WNK1: variants seen among roughly 807,000 people sequenced by gnomAD.
WNK1 encodes the protein serine/threonine-protein kinase WNK1.
WNK1 carries 38 observed loss-of-function variants against 222.8 expected under a neutral mutation model. That is an observed-to-expected ratio of 0.17 (90% CI 0.13 to 0.22). The LOEUF is 0.22. Ranked by LOEUF, WNK1 falls within the 10% of genes least tolerant of loss-of-function variation. The pLI is 1.00. For missense variants in WNK1, 2,348 were observed against 2,918.4 expected (o/e 0.80, Z 4.50); for synonymous variants, 1,090 against 1,092.9 (o/e 1.00, Z 0.05).
At chr12:838,604 C>T (rs552680039) in intron 4 of WNK1, among the ~76,000 whole-genome samples, 8 of 151,490 alleles carry the variant, frequency 5.3e-5, no homozygotes, top group East Asian at 1.9e-4. Context: ...TTTGTAGAGA[C>T]GAGGTTTTGT....
In WNK1 at chr12:864,985, ACT is replaced by A. The variant is rs1259151031; in HGVS notation, c.2139+2716_2139+2717del. 15 of 1,260,308 alleles carry A rather than the reference ACT, an allele frequency of 1.2e-5. No homozygotes were observed. In the African/African-American group the frequency reaches 1.7e-4, roughly 14 times the overall value. The allele number at this position is 1,260,308 out of a possible 1,614,324, so 78.1% of individuals were successfully genotyped here. A position where few individuals can be genotyped will look rare whatever the true frequency, so the allele number is the denominator to read the frequency against. ...ATAGCTCTCCTCAAAAAAAAAACTG[ACT>A]TTGTGGAATTGGGAGAGGATGGAAC... is the stretch of plus-strand genomic sequence containing the variant. On this transcript the variant is annotated intron_variant, in intron 8 of 27. Coordinates refer to ENST00000315939, the MANE Select transcript of WNK1 (RefSeq NM_018979.4).
At chr12:836,908 T>A (rs1034258092) in intron 4 of WNK1, among the ~76,000 whole-genome samples, 1 of 152,216 alleles carries the variant, frequency 6.6e-6, no homozygotes, top group Non-Finnish European at 1.5e-5. Flanking sequence ...ATATTTTTTT[T>A]TTGTATGTGC....
intron 1 of WNK1, among the ~76,000 whole-genome samples, chr12:791,555 C>CT (rs746932275): frequency 7.9e-5 from 7 of 88,550 alleles, no homozygotes; most frequent in Admixed American, 2.5e-4. Context: ...GAGAGAGCTT[C>CT]TTTTTTAAAA....
At chr12:781,499 A>G (rs1943704561) in intron 1 of WNK1, among the ~76,000 whole-genome samples, 1 of 152,238 alleles carries the variant, frequency 6.6e-6, no homozygotes, top group Non-Finnish European at 1.5e-5. Context: ...TTAGAAAGGT[A>G]CAAATGATTA....
intron 1 of WNK1, among the ~76,000 whole-genome samples, chr12:811,187 C>T (rs1234649197): frequency 2.6e-5 from 4 of 152,078 alleles, no homozygotes; most frequent in African/African-American, 9.7e-5. Context: ...CTTTTTGATA[C>T]GGTCTTTTAA....
At chr12:900,136 C>G (rs1955128688) in intron 25 of WNK1, among the ~76,000 whole-genome samples, 1 of 151,208 alleles carries the variant, frequency 6.6e-6, no homozygotes, top group African/African-American at 2.4e-5. Context: ...TAGGCACCCT[C>G]CACCACGCCT....
At chr12:906,790 A>C in intron 26 of WNK1, 1 of 978,566 alleles carries the variant, frequency 1.0e-6, no homozygotes, top group Non-Finnish European at 1.2e-6. Context: ...CTGTAATCCC[A>C]GCACTTTGGG....
At chr12:755,481 G>C (rs774968083) in intron 1 of WNK1, among the ~76,000 whole-genome samples, 1 of 152,172 alleles carries the variant, frequency 6.6e-6, no homozygotes, top group Non-Finnish European at 1.5e-5. Context: ...GCATGTGGAA[G>C]TAAACTTAAA....
chr12:774,884 A>G (rs1048373408), intron 1 of WNK1, among the ~76,000 whole-genome samples: 1 of 152,188 alleles, frequency 6.6e-6, no homozygotes, highest in African/African-American at 2.4e-5. Flanking sequence ...ACCAGTTTTC[A>G]TAAGTTCCTT....
At chr12:860,927 C>CT (rs11286613) in intron 6 of WNK1, 86 bp from the exon 7 acceptor site, 4,065 of 965,282 alleles carry the variant, frequency 4.2e-3, no homozygotes, top group African/African-American at 5.7e-3. Flanking sequence ...TTTACAATGC[C>CT]TTTTTTTTTT....
chr12:898,180 G>T (rs963928736), intron 25 of WNK1, among the ~76,000 whole-genome samples: 1 of 152,062 alleles, frequency 6.6e-6, no homozygotes, highest in African/African-American at 2.4e-5. Context: ...ATTTATATTG[G>T]GTTAAAGAAC....
chr12:900,512 A>G lies in WNK1; in HGVS notation c.6485A>G (p.His2162Arg). The G allele has an allele frequency of 6.2e-7, 1 of 1,613,930 alleles. No homozygotes were observed. The highest frequency in any genetic ancestry group is 8.5e-7 in the Non-Finnish European group (1 of 1,179,966). The change falls in exon 26 of 28, where the codon CAC becomes CGC. Residue 2162 changes from histidine to arginine, a missense_variant. Physicochemically the swap from His to Arg is conservative, Grantham distance 29. Transcript: ENST00000315939. Reference sequence around the variant, plus strand: ...GGTCAGAGTGCAGCTTCAGTCTTGCACCCCCAGCAGACCCTCCACCCTCCT... The same window carrying G: ...GGTCAGAGTGCAGCTTCAGTCTTGCGCCCCCAGCAGACCCTCCACCCTCCT... Reference protein sequence around the residue: ...LSGQSAASVLHPQQTLHPPGN... With the variant: ...LSGQSAASVLRPQQTLHPPGN...
chr12:872,254 T>C (rs1187255569), intron 9 of WNK1, among the ~76,000 whole-genome samples: 5 of 152,152 alleles, frequency 3.3e-5, no homozygotes, highest in Non-Finnish European at 5.9e-5. Flanking sequence ...GCCGCCCGAG[T>C]AGCTGGGACT....
intron 4 of WNK1, among the ~76,000 whole-genome samples, chr12:847,769 T>C: frequency 6.6e-6 from 1 of 151,148 alleles, no homozygotes; most frequent in East Asian, 1.9e-4. Flanking sequence ...AGACACTCCA[T>C]AGTCAACTAG....
At chr12:810,931 G>C (rs568429107) in intron 1 of WNK1, among the ~76,000 whole-genome samples, 1 of 152,076 alleles carries the variant, frequency 6.6e-6, no homozygotes, top group Non-Finnish European at 1.5e-5. Context: ...CATGTGACAC[G>C]GATCCTTGGT....
At chr12:851,177 C>A (rs11064570) in intron 4 of WNK1, among the ~76,000 whole-genome samples, 7 of 152,116 alleles carry the variant, frequency 4.6e-5, no homozygotes, top group Admixed American at 4.6e-4. Context: ...TTGTGATTCC[C>A]TGTCCAGTGT....
At chr12:862,410 T>C (rs892585584) in intron 8 of WNK1, 140 bp downstream of exon 8, 2 of 949,896 alleles carry the variant, frequency 2.1e-6, no homozygotes, top group African/African-American at 3.3e-5. Context: ...AAAGCCTTAT[T>C]ATAGAGTAGG....
intron 1 of WNK1, among the ~76,000 whole-genome samples, chr12:755,912 T>C (rs1222281846): frequency 6.6e-6 from 1 of 152,156 alleles, no homozygotes; most frequent in Non-Finnish European, 1.5e-5. Flanking sequence ...CAGGTGGAGG[T>C]TGCAGTGAGC....
chr12:833,302 CTTG>C (rs1025686829), intron 4 of WNK1, among the ~76,000 whole-genome samples: 1 of 152,162 alleles, frequency 6.6e-6, no homozygotes, highest in African/African-American at 2.4e-5. Context: ...TTCACTTAAA[CTTG>C]TTGAGCTTTC....
Sources: allele counts gnomAD v4.1 joint callset (sites outside exome capture counted in the v4.1 genomes callset), GRCh38; gene constraint gnomAD v4.1.1; transcripts MANE v1.5; gene names NCBI Gene and HGNC (gene_info 2026-07-23, HGNC 2026-07-21).